The following ZNF385D variants were observed in gnomAD, a reference collection of about 807,000 sequenced individuals.
The protein encoded by ZNF385D is zinc finger protein 385D.
ZNF385D carries 15 observed loss-of-function variants against 35.8 expected under a neutral mutation model. The observed-to-expected ratio is 0.42, with a 90% CI of 0.28 to 0.64. The LOEUF is 0.64. Among genes scored for constraint, ZNF385D ranks in the 30% least tolerant of loss-of-function variants. The pLI is 0.23. For missense variants in ZNF385D, 474 were observed against 494.6 expected (o/e 0.96, Z 0.39); for synonymous variants, 212 against 186.8 (o/e 1.13, Z -1.10).
At chr3:21,782,912 G>T (rs966252579) in intron 3 of ZNF385D, among the ~76,000 whole-genome samples, 1 of 152,016 alleles carries the variant, frequency 6.6e-6, no homozygotes, top group Admixed American at 6.6e-5. Context: ...GGACAATTAG[G>T]CTTACTTATA....
chr3:22,017,606 T>C (rs1021149211), intron 3 of ZNF385D, among the ~76,000 whole-genome samples: 1 of 149,864 alleles, frequency 6.7e-6, no homozygotes, highest in Non-Finnish European at 1.5e-5. Context: ...ATTTTTATTA[T>C]CCATTTTTTC....
At chr3:22,179,794 G>A (rs1275266634) in intron 2 of ZNF385D, among the ~76,000 whole-genome samples, 1 of 152,180 alleles carries the variant, frequency 6.6e-6, no homozygotes, top group Non-Finnish European at 1.5e-5. Context: ...GCAGTGTGTA[G>A]AGGGAAATTT....
At chr3:22,306,205 T>G (rs1036463400) in intron 2 of ZNF385D, among the ~76,000 whole-genome samples, 8 of 152,084 alleles carry the variant, frequency 5.3e-5, no homozygotes, top group Non-Finnish European at 1.0e-4. Context: ...AATGCAATTT[T>G]CATGAGGATG....
chr3:21,761,921 C>CAGG (rs1240337648), intron 3 of ZNF385D, among the ~76,000 whole-genome samples: 2 of 117,888 alleles, frequency 1.7e-5, no homozygotes, highest in African/African-American at 3.3e-5. Flanking sequence ...GCTCTGTCAC[C>CAGG]AGGTTGGAGT....
At chr3:21,792,867 G>T (rs2071988187) in intron 3 of ZNF385D, among the ~76,000 whole-genome samples, 1 of 152,048 alleles carries the variant, frequency 6.6e-6, no homozygotes, top group Admixed American at 6.5e-5. Context: ...TAATTCTTCT[G>T]GTTTTGTGCA....
In ZNF385D at chr3:21,979,115, C is replaced by A. The variant is rs887405532; in HGVS notation, c.325+189702G>T. Among the ~76,000 whole-genome samples, 3 of 151,746 alleles carry A rather than the reference C, an allele frequency of 2.0e-5. No individual in the cohort carries two copies. In the South Asian group the frequency reaches 6.4e-4, roughly 32 times the overall value. ...CATGCCAATTTTTTTTCAATGGTGA[C>A]CCTGACCAAATGATACACAGTTAAT... is the stretch of plus-strand genomic sequence containing the variant. On this transcript the variant is annotated intron_variant, in intron 3 of 5. Transcript: ENST00000494108.
chr3:21,555,518 C>G (rs1424253625), intron 3 of ZNF385D, among the ~76,000 whole-genome samples: 1 of 151,454 alleles, frequency 6.6e-6, no homozygotes, highest in Non-Finnish European at 1.5e-5. Context: ...CCAGCTTCAT[C>G]CATGTCCCTG....
In ZNF385D at chr3:22,018,043, T is replaced by C. The variant is rs186263854; in HGVS notation, c.325+150774A>G. On this transcript the variant is annotated intron_variant, in intron 3 of 5. Coordinates refer to the ZNF385D transcript ENST00000494108. ...TGGATATAGAACTCTACTATTTTTT[T>C]CCCAATAGCACTTTGAAAATAATAA... Among the ~76,000 whole-genome samples, 893 of 152,008 alleles carry C rather than the reference T, an allele frequency of 5.9e-3. 11 individuals are homozygous for C. Among genetic ancestry groups the C allele is most frequent in the Middle Eastern group, 0.025 (7 of 278 alleles).
At chr3:22,150,848 G>A (rs996864369) in intron 3 of ZNF385D, among the ~76,000 whole-genome samples, 4 of 152,040 alleles carry the variant, frequency 2.6e-5, no homozygotes, top group African/African-American at 9.7e-5. Context: ...GTGCATATAA[G>A]GGTGGGTTCC....
intron 2 of ZNF385D, among the ~76,000 whole-genome samples, chr3:22,205,224 T>C (rs1053497801): frequency 6.6e-6 from 1 of 151,952 alleles, no homozygotes; most frequent in African/African-American, 2.4e-5. Context: ...AGGTTTAAAA[T>C]GCCGAAGGAA....
intron 2 of ZNF385D, among the ~76,000 whole-genome samples, chr3:22,320,836 A>C (rs948963825): frequency 3.3e-5 from 5 of 151,920 alleles, no homozygotes; most frequent in African/African-American, 1.2e-4. Context: ...TAAGTGTTCA[A>C]CATTTAATAT....
chr3:22,164,186 T>C (rs1019064600), intron 3 of ZNF385D, among the ~76,000 whole-genome samples: 1 of 150,824 alleles, frequency 6.6e-6, no homozygotes, highest in Admixed American at 6.6e-5. Context: ...GCACTCCTTT[T>C]TACACACTAT....
chr3:22,278,431 TTC>T (rs1201798678), intron 2 of ZNF385D, among the ~76,000 whole-genome samples: 2 of 152,150 alleles, frequency 1.3e-5, no homozygotes, highest in Admixed American at 6.6e-5. Flanking sequence ...TCCAGTCATT[TTC>T]TGTTTGCCAC....
At chr3:21,697,121 G>A (rs1033154100) in intron 1 of ZNF385D, among the ~76,000 whole-genome samples, 46 of 152,228 alleles carry the variant, frequency 3.0e-4, no homozygotes, top group Non-Finnish European at 6.0e-4. Context: ...TTAGGGAGAG[G>A]TACTTAGCCT....
chr3:21,764,066 G>C (rs917213746), intron 3 of ZNF385D, among the ~76,000 whole-genome samples: 2 of 152,142 alleles, frequency 1.3e-5, no homozygotes, highest in Admixed American at 6.6e-5. Flanking sequence ...GGGAAAGATG[G>C]ATAATCAGGG....
intron 3 of ZNF385D, chr3:21,979,843 G>C (rs1005470657): frequency 3.3e-5 from 5 of 152,184 alleles, no homozygotes; most frequent in Non-Finnish European, 7.3e-5. Context: ...ATGAGCATTA[G>C]TCACGTATGT....
At chr3:22,226,845 A>G (rs1031430073) in intron 2 of ZNF385D, among the ~76,000 whole-genome samples, 11 of 152,062 alleles carry the variant, frequency 7.2e-5, no homozygotes, top group African/African-American at 2.7e-4. Context: ...TGATTTTCCT[A>G]CCTAATGTTG....
intron 4 of ZNF385D, among the ~76,000 whole-genome samples, chr3:21,504,734 G>A (rs1706647708): frequency 6.6e-6 from 1 of 152,118 alleles, no homozygotes. Context: ...AAACAACAAT[G>A]GAAAAACAAG....
rs992190243 is a variant in ZNF385D at position 21,646,003 on chromosome 3, T to C, written c.165+18883A>G. On this transcript the variant is annotated intron_variant, in intron 2 of 7. Transcript: ENST00000281523. The surrounding 1 kb of genome is among the most constrained non-coding windows in gnomAD (Gnocchi z 4.3). Reference sequence around the variant, plus strand: ...TCCAAGAATGGAGTTTAAATGAGCATTGTGTAAAAAGCTCATTCAAAGAAG... The same window carrying C: ...TCCAAGAATGGAGTTTAAATGAGCACTGTGTAAAAAGCTCATTCAAAGAAG... Among the ~76,000 whole-genome samples the C allele has an allele frequency of 6.6e-6, 1 of 152,158 alleles. No individual in the cohort carries two copies. The highest frequency in any genetic ancestry group is 1.5e-5 in the Non-Finnish European group (1 of 68,018).
Sources: allele counts gnomAD v4.1 joint callset (sites outside exome capture counted in the v4.1 genomes callset), GRCh38; gene constraint gnomAD v4.1.1; non-coding constraint Gnocchi (gnomAD v3.1); transcripts MANE v1.5; gene names NCBI Gene and HGNC (gene_info 2026-07-23, HGNC 2026-07-21).